Variants in ABHD18 observed in about 807,000 individuals in gnomAD.
ABHD18 encodes the protein cardiolipin-specific deacylase, mitochondrial.
A neutral mutation model predicts 65.9 loss-of-function variants in ABHD18; 55 were observed. That is an observed-to-expected ratio of 0.84 (90% CI 0.67 to 1.05). The LOEUF is 1.05. ABHD18 is among the 50% of genes least tolerant of loss of function. ABHD18 has a pLI of 0.00. For missense variants in ABHD18, 533 were observed against 558.5 expected, an observed-to-expected ratio of 0.95 and a Z score of 0.46; for synonymous variants, 181 against 180.2, an observed-to-expected ratio of 1.00 and a Z score of -0.04.
chr4:128,030,694 T>C (rs1482595446), intron 12 of ABHD18, 22 bp downstream of exon 12: 1 of 1,542,568 alleles, frequency 6.5e-7, no homozygotes, highest in Non-Finnish European at 8.7e-7. Context: ...GGTCTAAACA[T>C]GTATTCGTTC....
chr4:128,029,895 G>A (rs1197126902), intron 11 of ABHD18, among the ~76,000 whole-genome samples: 1 of 152,190 alleles, frequency 6.6e-6, no homozygotes, highest in Non-Finnish European at 1.5e-5. Flanking sequence ...GCTGAGGCAG[G>A]AGGATCCCTT....
At chr4:128,017,299 A>C in intron 7 of ABHD18, 64 bp from the exon 8 acceptor site, 3 of 1,499,948 alleles carry the variant, frequency 2.0e-6, no homozygotes, top group Non-Finnish European at 2.7e-6. Flanking sequence ...CCTGTTGTAA[A>C]TTTGCATATA....
chr4:127,981,415 A>AT (rs1005968399), intron 1 of ABHD18, among the ~76,000 whole-genome samples: 3 of 152,040 alleles, frequency 2.0e-5, no homozygotes, highest in African/African-American at 7.2e-5. Context: ...AGTTAGATAG[A>AT]TTTTTTAATT....
intron 1 of ABHD18, among the ~76,000 whole-genome samples, chr4:127,966,473 C>T (rs767793611): frequency 3.3e-5 from 5 of 151,916 alleles, no homozygotes; most frequent in African/African-American, 9.7e-5. Flanking sequence ...GTTACACAGT[C>T]ATGTATGGTA....
intron 9 of ABHD18, 119 bp downstream of exon 9, chr4:128,020,288 A>T: frequency 1.4e-6 from 1 of 696,092 alleles, no homozygotes; most frequent in South Asian, 1.7e-5. Flanking sequence ...AGGACTCAGG[A>T]TATAGTCGTA....
intron 12 of ABHD18, among the ~76,000 whole-genome samples, chr4:128,032,188 T>C (rs1758311913): frequency 6.6e-6 from 1 of 152,234 alleles, no homozygotes; most frequent in South Asian, 2.1e-4. Flanking sequence ...ATGTGCCAGA[T>C]GCTAGGGCAA....
Position 127,996,809 on chromosome 4 carries a change from G to A in ABHD18, c.278+6988G>A, listed in dbSNP as rs145691653. ...TTCCTTCCTGGGAAAAGAATTCAGCGATATTTCTCCTACTCGCTTTCTGCA... is the reference window on the plus strand; with the variant it reads ...TTCCTTCCTGGGAAAAGAATTCAGCAATATTTCTCCTACTCGCTTTCTGCA... On this transcript the variant is annotated intron_variant, in intron 4 of 12. Transcript: ENST00000645843. 9.4e-4 allele frequency among the ~76,000 whole-genome samples: 143 copies of A among 152,286 alleles called. 1 individual carries two copies. The East Asian group carries it at 0.024, about 25-fold the overall frequency.
intron 9 of ABHD18, among the ~76,000 whole-genome samples, chr4:128,020,532 A>G (rs946376667): frequency 2.0e-5 from 3 of 152,208 alleles, no homozygotes; most frequent in African/African-American, 4.8e-5. Context: ...ATCAGGGGTT[A>G]GTGACTTAGA....
chr4:128,018,613 T>C (rs1488296992), intron 8 of ABHD18, among the ~76,000 whole-genome samples: 3 of 152,118 alleles, frequency 2.0e-5, no homozygotes, highest in Non-Finnish European at 2.9e-5. Flanking sequence ...CACTCCTGAT[T>C]AGGTGACCCA....
intron 1 of ABHD18, among the ~76,000 whole-genome samples, chr4:127,971,620 A>G (rs1395209313): frequency 1.3e-5 from 2 of 149,074 alleles, no homozygotes; most frequent in African/African-American, 5.0e-5. Flanking sequence ...CCTCCTGAGT[A>G]GCTGGGACTA....
At chr4:128,018,279 T>C (rs1204305443) in intron 8 of ABHD18, among the ~76,000 whole-genome samples, 1 of 152,222 alleles carries the variant, frequency 6.6e-6, no homozygotes, top group Non-Finnish European at 1.5e-5. Flanking sequence ...GGTTTATTAC[T>C]TGGCACATAT....
chr4:128,019,546 G>A (rs1298318829), intron 8 of ABHD18, among the ~76,000 whole-genome samples: 1 of 152,078 alleles, frequency 6.6e-6, no homozygotes, highest in African/African-American at 2.4e-5. Flanking sequence ...GATTCCTCCA[G>A]CCCAGAAGGG....
intron 4 of ABHD18, among the ~76,000 whole-genome samples, chr4:128,007,503 A>C (rs900034241): frequency 6.6e-6 from 1 of 152,048 alleles, no homozygotes; most frequent in African/African-American, 2.4e-5. Context: ...GCACTTTGGG[A>C]GGCTAAGGCG....
intron 4 of ABHD18, chr4:128,001,850 T>TG: frequency 8.2e-6 from 11 of 1,337,434 alleles, no homozygotes; most frequent in African/African-American, 1.5e-5. Flanking sequence ...TGTTTTGTTT[T>TG]TTTTTTTAAT....
chr4:128,023,487 G>A (rs1332916266), intron 10 of ABHD18, among the ~76,000 whole-genome samples: 1 of 151,056 alleles, frequency 6.6e-6, no homozygotes, highest in East Asian at 2.0e-4. Context: ...AGGCTGAGGT[G>A]GGCAGATCAC....
intron 1 of ABHD18, among the ~76,000 whole-genome samples, chr4:127,974,030 T>C (rs1302115931): frequency 1.3e-5 from 2 of 151,794 alleles, no homozygotes; most frequent in African/African-American, 4.8e-5. Context: ...TCTTGGAAGA[T>C]AATCCTCAAG....
At chr4:127,979,641 C>T (rs1334230112) in intron 1 of ABHD18, among the ~76,000 whole-genome samples, 3 of 152,036 alleles carry the variant, frequency 2.0e-5, no homozygotes, top group African/African-American at 4.8e-5. Context: ...GGCGGCCGGG[C>T]GCAGTGGCTC....
intron 1 of ABHD18, among the ~76,000 whole-genome samples, chr4:127,970,293 A>T (rs1187388335): frequency 6.6e-6 from 1 of 151,740 alleles, no homozygotes; most frequent in Admixed American, 6.6e-5. Flanking sequence ...TTTCATGCTG[A>T]TGTTAAGAAA....
intron 4 of ABHD18, among the ~76,000 whole-genome samples, chr4:127,994,990 A>G (rs1032230351): frequency 1.3e-5 from 2 of 152,024 alleles, no homozygotes; most frequent in African/African-American, 2.4e-5. Flanking sequence ...AGAGATTCTC[A>G]TGTCTCAGCC....
Sources: gnomAD v4.1 joint callset for allele counts (sites outside exome capture counted in the v4.1 genomes callset) on GRCh38, gnomAD v4.1.1 for gene constraint, MANE v1.5 for transcripts, NCBI Gene and HGNC (gene_info 2026-07-23, HGNC 2026-07-21) for gene names.